Variants in TCF7L2 observed in about 807,000 individuals in gnomAD.
The protein encoded by TCF7L2 is transcription factor 7 like 2.
In TCF7L2, 23 loss-of-function variants were observed where a neutral mutation model predicts 77.9. That is an observed-to-expected ratio of 0.30 (90% confidence interval 0.21 to 0.42). The LOEUF is 0.42. Ranked by LOEUF, TCF7L2 falls within the 10% of genes least tolerant of loss-of-function variation. The pLI, the probability that TCF7L2 is intolerant of heterozygous loss-of-function variation, is 1.00. For missense variants in TCF7L2, 654 were observed against 793.1 expected (o/e 0.82, Z 2.11); for synonymous variants, 413 against 340.2 (o/e 1.21, Z -2.36).
intron 5 of TCF7L2, among the ~76,000 whole-genome samples, chr10:113,082,515 C>T (rs2059414299): frequency 1.3e-5 from 2 of 152,050 alleles, no homozygotes; most frequent in Admixed American, 1.3e-4. Context: ...GCTGCAAATT[C>T]CTATTCATGA....
chr10:112,977,857 G>A (rs528196423), intron 4 of TCF7L2, among the ~76,000 whole-genome samples: 2 of 152,150 alleles, frequency 1.3e-5, no homozygotes, highest in Non-Finnish European at 2.9e-5. Context: ...ATGACCAAAC[G>A]ATGTACTGCC....
intron 4 of TCF7L2, among the ~76,000 whole-genome samples, chr10:113,021,539 T>G (rs2048268889): frequency 6.6e-6 from 1 of 152,240 alleles, no homozygotes; most frequent in Non-Finnish European, 1.5e-5. Context: ...TGTACTACTA[T>G]AAGCTGCTGC....
At chr10:113,129,871 C>G in intron 5 of TCF7L2, 1 of 1,289,702 alleles carries the variant, frequency 7.8e-7, no homozygotes, top group Non-Finnish European at 1.0e-6. Context: ...TGTTATGTAC[C>G]CTAGGGACAC....
chr10:112,997,647 G>A (rs1353745870), intron 4 of TCF7L2, among the ~76,000 whole-genome samples: 1 of 152,218 alleles, frequency 6.6e-6, no homozygotes, highest in Non-Finnish European at 1.5e-5. Context: ...GGGCATGGTC[G>A]AGCAGATGAC....
At chr10:113,129,568 A>C (rs2066224869) in intron 5 of TCF7L2, 1 of 1,004,954 alleles carries the variant, frequency 1.0e-6, no homozygotes, top group Non-Finnish European at 1.2e-6. Flanking sequence ...TTTTATTTTT[A>C]AGATTTTTTT....
rs193051881 is a variant in TCF7L2, at chr10:113,151,919, C to T, written c.1161+35C>T. 5.6e-5 allele frequency: 68 copies of T among 1,208,524 alleles called. No homozygotes were observed. The East Asian group carries it at 1.7e-3, about 31-fold the overall frequency. The allele number at this position is 1,208,524 out of a possible 1,614,324, so 74.9% of individuals were successfully genotyped here. On this transcript the variant is annotated intron_variant, in intron 10 of 13. Coordinates refer to ENST00000627217, the MANE Select transcript of TCF7L2 (RefSeq NM_001146274.2). This position sits in a 1 kb window ranked among gnomAD's most constrained non-coding sequence, Gnocchi z 5.2. ...GCCCTTCTCAGGGAGAAGCGGGGGG[C>T]GGGTGGTGAGGGACCAGAGTGCAGC...
At chr10:113,006,188 G>A (rs970779222) in intron 4 of TCF7L2, among the ~76,000 whole-genome samples, 2 of 152,170 alleles carry the variant, frequency 1.3e-5, no homozygotes, top group Non-Finnish European at 2.9e-5. Context: ...ACATTCTGCC[G>A]TAATGAAAGT....
chr10:113,075,439 A>C (rs957484576), intron 5 of TCF7L2, among the ~76,000 whole-genome samples: 2 of 149,856 alleles, frequency 1.3e-5, no homozygotes, highest in Non-Finnish European at 3.0e-5. Flanking sequence ...AGCCTGGGCG[A>C]CAAGAGCGAA....
At chr10:112,976,907 T>C (rs2135087444) in intron 4 of TCF7L2, among the ~76,000 whole-genome samples, 1 of 152,282 alleles carries the variant, frequency 6.6e-6, no homozygotes, top group South Asian at 2.1e-4. Flanking sequence ...GACTGGTGTC[T>C]ATTTCTATGA....
chr10:113,016,621 C>G (rs1044367859), intron 4 of TCF7L2, among the ~76,000 whole-genome samples: 2 of 152,194 alleles, frequency 1.3e-5, no homozygotes, highest in African/African-American at 4.8e-5. Context: ...TCCGCTCTTT[C>G]CCTTCCTTCA....
Position 113,151,255 on chromosome 10 carries a change from T to C in TCF7L2, c.1001+132T>C. On this transcript the variant is annotated intron_variant, in intron 9 of 13. Transcript: ENST00000627217. This position sits in a 1 kb window ranked among gnomAD's most constrained non-coding sequence, Gnocchi z 5.2. ...GACTGCAGCCAATACCCAGCCTGTG[T>C]GGGCTCTTCACTCCCTTACAAAGAG... 2 of 1,219,156 alleles carry C rather than the reference T, an allele frequency of 1.6e-6. No individual in the cohort carries two copies. Among genetic ancestry groups the C allele is most frequent in the Non-Finnish European group, 2.3e-6 (2 of 858,060 alleles). The allele number at this position is 1,219,156 out of a possible 1,614,324, so 75.5% of individuals were successfully genotyped here.
intron 5 of TCF7L2, among the ~76,000 whole-genome samples, chr10:113,097,315 CT>C (rs1292255682): frequency 1.3e-5 from 2 of 152,162 alleles, no homozygotes; most frequent in Admixed American, 1.3e-4. Context: ...GTTGTCACAA[CT>C]CTCTCTCAGG....
At chr10:113,097,645 G>GGA (rs1564889978) in intron 5 of TCF7L2, among the ~76,000 whole-genome samples, 3 of 51,790 alleles carry the variant, frequency 5.8e-5, no homozygotes, top group Non-Finnish European at 9.7e-5. Context: ...CTCTTGTCTC[G>GGA]GAAAAAAAAA....
intron 5 of TCF7L2, among the ~76,000 whole-genome samples, chr10:113,066,365 C>CAA (rs34941771): frequency 1.6e-4 from 19 of 118,226 alleles, no homozygotes; most frequent in African/African-American, 5.5e-4. Flanking sequence ...AAGTCCGTCT[C>CAA]AAAAAAAAAA....
intron 8 of TCF7L2, among the ~76,000 whole-genome samples, chr10:113,149,666 G>A (rs554432339): frequency 2.7e-5 from 4 of 149,022 alleles, no homozygotes; most frequent in Non-Finnish European, 4.6e-5. Flanking sequence ...TGTCGTGATC[G>A]ATCCTCATTA....
At chr10:112,978,666 A>G in intron 4 of TCF7L2, among the ~76,000 whole-genome samples, 1 of 143,668 alleles carries the variant, frequency 7.0e-6, no homozygotes, top group Non-Finnish European at 1.5e-5. Flanking sequence ...TTTTTAGTAG[A>G]GATGAGGTTT....
intron 4 of TCF7L2, among the ~76,000 whole-genome samples, chr10:113,018,711 G>A (rs1189978003): frequency 3.3e-5 from 5 of 152,106 alleles, no homozygotes; most frequent in African/African-American, 9.6e-5. Flanking sequence ...CGAGTGATCC[G>A]CCTGTCTTGA....
In TCF7L2 at chr10:112,950,263, C is replaced by G. The variant is rs2030623377; in HGVS notation, c.-494C>G. On this transcript the variant is annotated 5_prime_UTR_variant, in exon 1 of 14. Coordinates refer to ENST00000627217, the MANE Select transcript of TCF7L2 (RefSeq NM_001146274.2). ...TCTCGCCCTGTCAATAATCTCCGCT[C>G]CCAGACTACTCCGTTCCTCCGGATT... 4.7e-6 allele frequency: 1 copy of G among 211,588 alleles called. No individual in the cohort carries two copies. Among genetic ancestry groups the G allele is most frequent in the African/African-American group, 2.3e-5 (1 of 43,352 alleles). The allele number at this position is 211,588 out of a possible 1,614,324, so 13.1% of individuals were successfully genotyped here.
chr10:113,061,832 C>G (rs73360216), intron 5 of TCF7L2, among the ~76,000 whole-genome samples: 45 of 152,162 alleles, frequency 3.0e-4, no homozygotes, highest in Non-Finnish European at 6.0e-4. Context: ...AAGTTGGCAA[C>G]GCCTGCCCTC....
Sources: gnomAD v4.1 joint callset for allele counts (sites outside exome capture counted in the v4.1 genomes callset) on GRCh38, gnomAD v4.1.1 for gene constraint, Gnocchi (gnomAD v3.1) non-coding constraint, MANE v1.5 for transcripts, NCBI Gene and HGNC (gene_info 2026-07-23, HGNC 2026-07-21) for gene names.